NPIPB2: variants seen among roughly 807,000 people sequenced by gnomAD.
NPIPB2 encodes the protein nuclear pore complex-interacting protein family member B2.
A neutral mutation model predicts 30.8 loss-of-function variants in NPIPB2; 27 were observed. That is an observed-to-expected ratio of 0.88 (90% CI 0.65 to 1.21). The LOEUF (loss-of-function observed/expected upper bound fraction) is 1.21, where lower values mean the gene tolerates loss of function less well. Ranked by LOEUF, NPIPB2 falls within the 50% of genes most tolerant of loss-of-function variation. The pLI is 0.00. For missense variants in NPIPB2, 440 were observed against 446.2 expected (o/e 0.99, Z 0.13); for synonymous variants, 147 against 162.0 (o/e 0.91, Z 0.70).
chr16:11,961,553 G>A (rs147619234), intron 1 of NPIPB2, among the ~76,000 whole-genome samples: 1,786 of 152,202 alleles, frequency 0.012, 70 homozygotes, highest in Admixed American at 0.091. Flanking sequence ...GCCGAGGCGG[G>A]CGAATCACTT....
chr16:11,959,954 T>C (rs1047350011), intron 1 of NPIPB2, among the ~76,000 whole-genome samples: 1 of 152,196 alleles, frequency 6.6e-6, no homozygotes, highest in Non-Finnish European at 1.5e-5. Context: ...TTTTAAATTA[T>C]TTGTAGAGAT....
chr16:11,945,336 G>GCAC (rs2054994921), upstream of NPIPB2, among the ~76,000 whole-genome samples: 1 of 151,896 alleles, frequency 6.6e-6, no homozygotes, highest in East Asian at 1.9e-4. Flanking sequence ...AGCTCTGATG[G>GCAC]CACCACTGCA....
chr16:11,968,696 C>G (rs1356086956), intron 1 of NPIPB2: 1 of 152,198 alleles, frequency 6.6e-6, no homozygotes, highest in East Asian at 1.9e-4. Context: ...CAGACCTTCT[C>G]CACACTATCC....
At chr16:11,967,837 C>T (rs757620574) in intron 1 of NPIPB2, 4 of 1,613,616 alleles carry the variant, frequency 2.5e-6, no homozygotes, top group Non-Finnish European at 3.4e-6. Context: ...AAATCAATTT[C>T]TGCTAGGTAA....
At chr16:11,947,506 C>G (rs879732558) in intron 1 of NPIPB2, among the ~76,000 whole-genome samples, 12 of 151,348 alleles carry the variant, frequency 7.9e-5, no homozygotes, top group Non-Finnish European at 1.8e-4. Context: ...TGCCACGCCC[C>G]GCTAATTTTT....
At chr16:11,965,440 G>T (rs752610824) in intron 1 of NPIPB2, 13 of 1,613,932 alleles carry the variant, frequency 8.1e-6, no homozygotes, top group Non-Finnish European at 1.1e-5. Context: ...ACATGTCAGC[G>T]TTATTGTAAT....
chr16:11,961,001 G>A (rs2055149084), intron 1 of NPIPB2, among the ~76,000 whole-genome samples: 1 of 151,748 alleles, frequency 6.6e-6, no homozygotes, highest in Admixed American at 6.6e-5. Flanking sequence ...CAAGTAGCTG[G>A]GATTATGCAC....
chr16:11,966,307 C>T (rs769547668), intron 1 of NPIPB2: 1 of 1,613,470 alleles, frequency 6.2e-7, no homozygotes, highest in Admixed American at 1.7e-5. Context: ...GGAAGATAAA[C>T]TCTGAACCAT....
chr16:11,970,200 T>G (rs946908684), intron 1 of NPIPB2, among the ~76,000 whole-genome samples: 13 of 151,430 alleles, frequency 8.6e-5, no homozygotes, highest in Non-Finnish European at 1.6e-4. Flanking sequence ...ATTTCCAGTC[T>G]TTATTTTTAT....
chr16:11,934,196 C>T (rs1338935200), intron 2 of NPIPB2, among the ~76,000 whole-genome samples: 1 of 148,646 alleles, frequency 6.7e-6, no homozygotes, highest in Non-Finnish European at 1.5e-5. Context: ...CACCACTGCA[C>T]TCCAGCCTGA....
chr16:11,953,712 ATTT>A (rs36103994), intron 1 of NPIPB2, among the ~76,000 whole-genome samples: 5 of 75,542 alleles, frequency 6.6e-5, no homozygotes, highest in East Asian at 3.9e-4. Context: ...ATTTACTTTA[ATTT>A]TTTTTTTTTT....
At chr16:11,946,385 CAAAAAAAAAAAA>C (rs34318693), upstream of NPIPB2, among the ~76,000 whole-genome samples, 2 of 70,112 alleles carry the variant, frequency 2.9e-5, no homozygotes, top group Admixed American at 3.8e-4. Context: ...AACTCTATCT[CAAAAAAAAAAAA>C]AAAAAAAAAA....
chr16:11,960,338 C>T (rs572751073), intron 1 of NPIPB2, among the ~76,000 whole-genome samples: 1 of 150,620 alleles, frequency 6.6e-6, no homozygotes, highest in African/African-American at 2.4e-5. Context: ...CTTCTGGCTT[C>T]CCAGGTATGG....
intron 1 of NPIPB2, among the ~76,000 whole-genome samples, chr16:11,955,635 T>C (rs1324977831): frequency 6.6e-6 from 1 of 150,890 alleles, no homozygotes; most frequent in Non-Finnish European, 1.5e-5. Context: ...GCAGGAGAAT[T>C]GCTTGAACCT....
In NPIPB2 at chr16:11,930,323, T is replaced by G. The variant is rs1221109395; in HGVS notation, c.590+127A>C. 5 of 895,026 alleles carry G rather than the reference T, an allele frequency of 5.6e-6. No homozygotes were observed. The East Asian group carries it at 1.1e-4, about 19-fold the overall frequency. The allele number at this position is 895,026 out of a possible 1,614,324, so 55.4% of individuals were successfully genotyped here. On this transcript the variant is annotated intron_variant, in intron 5 of 7. Coordinates refer to ENST00000399147, the Ensembl canonical transcript of NPIPB2. The stretch of plus-strand genomic sequence containing the variant: ...CTGTTTTGTGAACTCTCTCTCTCTC[T>G]CACGATATGTCTTCTGACCATTTGT...
At chr16:11,965,288 G>T in intron 1 of NPIPB2, 7 of 1,613,018 alleles carry the variant, frequency 4.3e-6, no homozygotes, top group Non-Finnish European at 5.9e-6. Flanking sequence ...CTTCCAGGCT[G>T]TTCTTTCTGT....
chr16:11,967,774 C>T (rs1161246207), intron 1 of NPIPB2: 4 of 1,614,194 alleles, frequency 2.5e-6, no homozygotes, highest in Admixed American at 3.3e-5. Flanking sequence ...ACCACGAAAA[C>T]GAATGACTAT....
intron 1 of NPIPB2, among the ~76,000 whole-genome samples, chr16:11,962,241 C>T (rs971024330): frequency 6.7e-6 from 1 of 149,352 alleles, no homozygotes; most frequent in African/African-American, 2.5e-5. Flanking sequence ...TGGCTTGCAC[C>T]TGTAATCCCA....
At chr16:11,949,582 C>T (rs1262361791) in intron 1 of NPIPB2, among the ~76,000 whole-genome samples, 1 of 152,214 alleles carries the variant, frequency 6.6e-6, no homozygotes, top group Non-Finnish European at 1.5e-5. Flanking sequence ...AGAAAATATA[C>T]AGCAGCCCTG....
Sources: allele counts gnomAD v4.1 joint callset (sites outside exome capture counted in the v4.1 genomes callset), GRCh38; gene constraint gnomAD v4.1.1; transcripts MANE v1.5; gene names NCBI Gene and HGNC (gene_info 2026-07-23, HGNC 2026-07-21).